Variants in SLC2A13 observed in about 807,000 individuals in gnomAD.
SLC2A13 encodes solute carrier family 2 member 13, also known as proton myo-inositol cotransporter.
In SLC2A13, 32 loss-of-function variants were observed where a neutral mutation model predicts 64.4. The observed-to-expected ratio is 0.50, with a 90% CI of 0.37 to 0.67. The LOEUF (loss-of-function observed/expected upper bound fraction) is 0.67. Among genes scored for constraint, SLC2A13 ranks in the 30% least tolerant of loss-of-function variants. SLC2A13 has a pLI of 0.00. For missense variants in SLC2A13, 743 were observed against 829.2 expected (o/e 0.90, Z 1.28); for synonymous variants, 338 against 327.1 (o/e 1.03, Z -0.36).
intron 4 of SLC2A13, among the ~76,000 whole-genome samples, chr12:39,922,824 C>A (rs1007171951): frequency 6.7e-6 from 1 of 149,098 alleles, no homozygotes; most frequent in Non-Finnish European, 1.5e-5. Context: ...GCAAAACTTG[C>A]AAAAGCTTGT....
chr12:39,959,178 G>A (rs1839727200), intron 3 of SLC2A13, among the ~76,000 whole-genome samples: 2 of 152,140 alleles, frequency 1.3e-5, no homozygotes, highest in Admixed American at 1.3e-4. Flanking sequence ...AAGATCCTGA[G>A]CACACCCACG....
chr12:39,763,435 T>C (rs1940236840), intron 9 of SLC2A13, among the ~76,000 whole-genome samples: 1 of 152,240 alleles, frequency 6.6e-6, no homozygotes, highest in East Asian at 1.9e-4. Flanking sequence ...CATGTATTTA[T>C]TCATTTGACA....
chr12:40,043,134 G>A (rs1344152975), intron 2 of SLC2A13, among the ~76,000 whole-genome samples: 1 of 151,970 alleles, frequency 6.6e-6, no homozygotes, highest in African/African-American at 2.4e-5. Flanking sequence ...TTCCCTGTAG[G>A]AAATAGACAG....
At chr12:39,797,756 A>ACACACACACACACACACACG (rs1941629737) in intron 7 of SLC2A13, among the ~76,000 whole-genome samples, 1 of 152,072 alleles carries the variant, frequency 6.6e-6, no homozygotes, top group East Asian at 1.9e-4. Flanking sequence ...ACACACACAC[A>ACACACACACACACACACACG]CACACACACA....
intron 7 of SLC2A13, among the ~76,000 whole-genome samples, chr12:39,766,125 CTTTG>C (rs1205703089): frequency 6.6e-6 from 1 of 152,086 alleles, no homozygotes; most frequent in Non-Finnish European, 1.5e-5. Flanking sequence ...ACAACCACCA[CTTTG>C]TTTATCTCCT....
chr12:39,971,077 C>A (rs1263442059), intron 3 of SLC2A13, among the ~76,000 whole-genome samples: 1 of 152,126 alleles, frequency 6.6e-6, no homozygotes, highest in Non-Finnish European at 1.5e-5. Flanking sequence ...TAATTCTTAA[C>A]TTCCCATATT....
intron 4 of SLC2A13, among the ~76,000 whole-genome samples, chr12:39,909,672 T>C (rs1287869271): frequency 1.3e-5 from 2 of 152,078 alleles, no homozygotes; most frequent in African/African-American, 4.8e-5. Context: ...GTCAAGGGGA[T>C]CTGATTTTTA....
chr12:39,977,405 T>C (rs1946782727), intron 3 of SLC2A13, among the ~76,000 whole-genome samples: 2 of 152,228 alleles, frequency 1.3e-5, no homozygotes, highest in Non-Finnish European at 2.9e-5. Flanking sequence ...TCCTTCGTTG[T>C]TGCAGAGATT....
chr12:39,817,022 A>G (rs1942358930), intron 7 of SLC2A13, among the ~76,000 whole-genome samples: 2 of 152,322 alleles, frequency 1.3e-5, no homozygotes, highest in South Asian at 4.1e-4. Flanking sequence ...ACCAAGAACC[A>G]CAAATGCCTT....
At chr12:39,826,341 C>T (rs991048308) in intron 7 of SLC2A13, among the ~76,000 whole-genome samples, 1 of 151,772 alleles carries the variant, frequency 6.6e-6, no homozygotes, top group African/African-American at 2.4e-5. Context: ...CTCCTGTGAA[C>T]AGCATACAAC....
chr12:39,910,078 G>A (rs1945393000), intron 4 of SLC2A13, among the ~76,000 whole-genome samples: 1 of 151,892 alleles, frequency 6.6e-6, no homozygotes, highest in Non-Finnish European at 1.5e-5. Context: ...ACAGCCCTTA[G>A]AAGAAGAACT....
intron 3 of SLC2A13, among the ~76,000 whole-genome samples, chr12:39,993,822 A>G (rs990558925): frequency 6.6e-6 from 1 of 152,224 alleles, no homozygotes; most frequent in African/African-American, 2.4e-5. Flanking sequence ...GCCTACAAAT[A>G]TTTCCAAACA....
intron 1 of SLC2A13, among the ~76,000 whole-genome samples, chr12:40,050,583 TATAGGGACTA>T (rs1387188103): frequency 6.6e-6 from 1 of 152,210 alleles, no homozygotes; most frequent in Non-Finnish European, 1.5e-5. Flanking sequence ...GCAGATATTT[TATAGGGACTA>T]ATAATCTTAT....
chr12:39,988,450 A>G (rs1157978546), intron 3 of SLC2A13, among the ~76,000 whole-genome samples: 1 of 151,756 alleles, frequency 6.6e-6, no homozygotes, highest in Non-Finnish European at 1.5e-5. Context: ...ATCTTTCATG[A>G]AACTTGCCTG....
chr12:39,897,411 G>A (rs1385495497), intron 4 of SLC2A13, among the ~76,000 whole-genome samples: 3 of 152,168 alleles, frequency 2.0e-5, no homozygotes, highest in Non-Finnish European at 4.4e-5. Context: ...CCCCAAGCAT[G>A]CAGAAAAAAG....
chr12:40,051,331 G>A (rs561216442), intron 1 of SLC2A13, among the ~76,000 whole-genome samples: 3 of 152,214 alleles, frequency 2.0e-5, no homozygotes, highest in South Asian at 4.1e-4. Flanking sequence ...AATGTGAGGC[G>A]GAATATGTGT....
At chr12:40,050,782 C>A (rs144645620) in intron 1 of SLC2A13, among the ~76,000 whole-genome samples, 40 of 152,236 alleles carry the variant, frequency 2.6e-4, no homozygotes, top group African/African-American at 8.9e-4. Flanking sequence ...GGCTCTGGAA[C>A]CAGTGGGTTT....
chr12:39,765,818 TCAACC>T (rs1166687158), intron 7 of SLC2A13, among the ~76,000 whole-genome samples: 2 of 152,100 alleles, frequency 1.3e-5, no homozygotes, highest in Non-Finnish European at 2.9e-5. Context: ...GCTGTGCCTA[TCAACC>T]CATCACCTAG....
At chr12:40,102,455 C>A (rs894704687) in intron 1 of SLC2A13, among the ~76,000 whole-genome samples, 1 of 151,822 alleles carries the variant, frequency 6.6e-6, no homozygotes, top group Non-Finnish European at 1.5e-5. Flanking sequence ...TTTTTGCTCA[C>A]CATTCATTTA....
Sources: allele counts gnomAD v4.1 joint callset (sites outside exome capture counted in the v4.1 genomes callset), GRCh38; gene constraint gnomAD v4.1.1; transcripts MANE v1.5; gene names NCBI Gene and HGNC (gene_info 2026-07-23, HGNC 2026-07-21).